Variants in LMNTD1 observed in about 807,000 individuals in gnomAD.
LMNTD1 encodes lamin tail domain containing 1.
Under a neutral mutation model 50.9 loss-of-function variants are expected in LMNTD1, and 35 were observed. The observed-to-expected ratio is 0.69, with a 90% confidence interval of 0.53 to 0.91. The LOEUF is 0.91. LMNTD1 is among the 40% of genes least tolerant of loss of function. The pLI, the probability that LMNTD1 is intolerant of heterozygous loss-of-function variation, is 0.00. For synonymous variants in LMNTD1, 153 were observed against 161.9 expected, an observed-to-expected ratio of 0.94 and a Z score of 0.42; for missense variants, 470 against 475.5, an observed-to-expected ratio of 0.99 and a Z score of 0.11.
rs368743052 is a variant in LMNTD1 at position 25,603,786 on chromosome 12, C to A, written c.58+44708G>T. On this transcript the variant is annotated intron_variant, in intron 1 of 7. Coordinates refer to the LMNTD1 transcript ENST00000445693. ...GAAGTCTGCAGTTTTGGAATAGAAC[C>A]TGTCTATTTGTGGTGGTATCTGAAG... is the stretch of plus-strand genomic sequence containing the variant. Among the ~76,000 whole-genome samples the A allele has an allele frequency of 2.1e-3, 318 of 152,010 alleles. 2 individuals are homozygous for A. Among genetic ancestry groups the A allele is most frequent in the South Asian group, 0.018 (86 of 4,816 alleles).
At chr12:25,483,284 C>T (rs181950429) in intron 9 of LMNTD1, among the ~76,000 whole-genome samples, 26 of 151,446 alleles carry the variant, frequency 1.7e-4, no homozygotes, top group Admixed American at 7.2e-4. Flanking sequence ...ATTAGCCAGG[C>T]GTGGTTGTGC....
Position 25,481,829 on chromosome 12 carries a change from C to T in LMNTD1, c.*23-5369G>A, listed in dbSNP as rs74345245. 1.6e-3 allele frequency among the ~76,000 whole-genome samples: 229 copies of T among 147,364 alleles called. 3 individuals carry two copies. The highest frequency in any genetic ancestry group is 5.2e-3 in the African/African-American group (206 of 39,822). On this transcript the variant is annotated intron_variant, in intron 9 of 9. Coordinates refer to ENST00000458174, the MANE Select transcript of LMNTD1 (RefSeq NM_001145728.2). The stretch of plus-strand genomic sequence containing the variant: ...GCAACCTAACTACCTAGTTTACTTA[C>T]GTGAGGTCATCAACATATAGTAATA...
rs912483874 is a variant in LMNTD1, at chr12:25,602,474, C to T, written c.58+46020G>A. Among the ~76,000 whole-genome samples, 16 of 151,996 alleles carry T rather than the reference C, an allele frequency of 1.1e-4. No homozygotes were observed. In the East Asian group the frequency reaches 2.9e-3, roughly 28 times the overall value. ...GGAAATAATTGATTTTTTGTTAATT[C>T]CCCAGGTGCTGACATGGTCAGGAAG... On this transcript the variant is annotated intron_variant, in intron 1 of 7. Transcript: ENST00000445693.
At chr12:25,477,610 A>G (rs975218638) in intron 9 of LMNTD1, among the ~76,000 whole-genome samples, 2 of 152,190 alleles carry the variant, frequency 1.3e-5, no homozygotes, top group African/African-American at 4.8e-5. Flanking sequence ...CAGCATAAGG[A>G]GCCAGCTGGG....
intron 1 of LMNTD1, among the ~76,000 whole-genome samples, chr12:25,562,439 C>T (rs560608531): frequency 2.6e-4 from 40 of 152,250 alleles, no homozygotes; most frequent in African/African-American, 7.7e-4. Flanking sequence ...CAAATTCTTT[C>T]CTTTAAGAAT....
intron 5 of LMNTD1, 139 bp downstream of exon 5, chr12:25,526,630 A>C: frequency 2.0e-6 from 1 of 512,068 alleles, no homozygotes; most frequent in Non-Finnish European, 3.3e-6. Flanking sequence ...TGCGGTAATT[A>C]ACCACCAACA....
At chr12:25,531,485 G>A (rs918904179) in intron 4 of LMNTD1, among the ~76,000 whole-genome samples, 3 of 152,268 alleles carry the variant, frequency 2.0e-5, no homozygotes, top group Non-Finnish European at 4.4e-5. Context: ...CCAACTGCCA[G>A]CCAATATTTT....
intron 1 of LMNTD1, among the ~76,000 whole-genome samples, chr12:25,582,642 T>C (rs1945342229): frequency 6.6e-6 from 1 of 152,170 alleles, no homozygotes; most frequent in Admixed American, 6.5e-5. Flanking sequence ...CAACCTAAAT[T>C]TGATATTTAA....
intron 6 of LMNTD1, among the ~76,000 whole-genome samples, chr12:25,524,081 C>A (rs1050267715): frequency 1.4e-4 from 21 of 152,166 alleles, no homozygotes; most frequent in Non-Finnish European, 2.8e-4. Context: ...GTTAGGTGGG[C>A]AAACTCCTCT....
At chr12:25,501,206 C>T (rs1824925) in intron 9 of LMNTD1, among the ~76,000 whole-genome samples, 1 of 151,812 alleles carries the variant, frequency 6.6e-6, no homozygotes, top group Non-Finnish European at 1.5e-5. Context: ...GACCAGGCTG[C>T]CTTTGAACTC....
intron 1 of LMNTD1, among the ~76,000 whole-genome samples, chr12:25,600,733 C>T (rs1314103501): frequency 1.3e-5 from 2 of 151,952 alleles, no homozygotes; most frequent in Non-Finnish European, 2.9e-5. Context: ...GAATGAAAAT[C>T]AAAACTACAA....
At position 25,518,775 on chromosome 12, in the gene LMNTD1, C is replaced by T. The variant is rs1940992246; in HGVS notation, c.1189+20G>A. On this transcript the variant is annotated intron_variant, in intron 8 of 9. Coordinates refer to ENST00000458174, the MANE Select transcript of LMNTD1 (RefSeq NM_001145728.2). ...CACACACACGCACTCTCCACTGGAA[C>T]AAGCACTCTTTTAACTGACCTGAGG... 1 of 1,612,312 alleles carries T rather than the reference C, an allele frequency of 6.2e-7. No homozygotes were observed. Among genetic ancestry groups the T allele is most frequent in the African/African-American group, 1.3e-5 (1 of 74,986 alleles).
chr12:25,575,846 A>G (rs1344097346), intron 1 of LMNTD1, among the ~76,000 whole-genome samples: 1 of 151,912 alleles, frequency 6.6e-6, no homozygotes, highest in Non-Finnish European at 1.5e-5. Context: ...TCCTCCCCCA[A>G]CACCATGACA....
In LMNTD1 at chr12:25,526,056, A is replaced by G. The variant is rs764294496; in HGVS notation, c.798+43T>C. 5 of 1,497,006 alleles carry G rather than the reference A, an allele frequency of 3.3e-6. No individual in the cohort carries two copies. In the South Asian group the frequency reaches 6.9e-5, roughly 21 times the overall value. The allele number at this position is 1,497,006 out of a possible 1,614,324, so 92.7% of individuals were successfully genotyped here. A position where few individuals can be genotyped will look rare whatever the true frequency, so the allele number is the denominator to read the frequency against. On this transcript the variant is annotated intron_variant, in intron 6 of 9. Coordinates refer to ENST00000458174, the MANE Select transcript of LMNTD1 (RefSeq NM_001145728.2). ...AATACAGATATGCTCAATAAGCACAATATTTAAAAAAAAAAAACGATTGTT... is the reference window on the plus strand; with the variant it reads ...AATACAGATATGCTCAATAAGCACAGTATTTAAAAAAAAAAAACGATTGTT...
At chr12:25,571,990 T>A (rs1944817753) in intron 1 of LMNTD1, among the ~76,000 whole-genome samples, 1 of 152,084 alleles carries the variant, frequency 6.6e-6, no homozygotes, top group East Asian at 1.9e-4. Context: ...TGGATTTCTA[T>A]AAAGGTAGGA....
chr12:25,581,953 G>A (rs143925472), intron 1 of LMNTD1, among the ~76,000 whole-genome samples: 1 of 152,218 alleles, frequency 6.6e-6, no homozygotes, highest in Non-Finnish European at 1.5e-5. Context: ...TTGATCGAAA[G>A]ATCTTTATGC....
chr12:25,597,770 T>C (rs528718504), intron 1 of LMNTD1, among the ~76,000 whole-genome samples: 2 of 152,280 alleles, frequency 1.3e-5, no homozygotes, highest in East Asian at 3.9e-4. Context: ...CTTAAAACTT[T>C]CAAAAAAATT....
At chr12:25,637,534 T>C (rs1204373312) in intron 1 of LMNTD1, among the ~76,000 whole-genome samples, 2 of 152,108 alleles carry the variant, frequency 1.3e-5, no homozygotes, top group African/African-American at 4.8e-5. Context: ...TCAGTAAACC[T>C]GAAGATAGAT....
chr12:25,576,544 T>C (rs1945027517), intron 1 of LMNTD1, among the ~76,000 whole-genome samples: 2 of 152,150 alleles, frequency 1.3e-5, no homozygotes, highest in Non-Finnish European at 2.9e-5. Flanking sequence ...GGTTGTTTGA[T>C]TTTTTTCTTG....
Sources: gnomAD v4.1 joint callset for allele counts (sites outside exome capture counted in the v4.1 genomes callset) on GRCh38, gnomAD v4.1.1 for gene constraint, MANE v1.5 for transcripts, NCBI Gene and HGNC (gene_info 2026-07-23, HGNC 2026-07-21) for gene names.